PEX5L: variants seen among roughly 807,000 people sequenced by gnomAD.
The protein encoded by PEX5L is peroxisomal biogenesis factor 5 like, also known as PEX5-related protein.
Under a neutral mutation model 84.0 loss-of-function variants are expected in PEX5L, and 30 were observed. The ratio of observed to expected loss-of-function variants is 0.36; its 90% CI spans 0.27 to 0.48. PEX5L has a LOEUF of 0.48. Ranked by LOEUF, PEX5L falls within the 20% of genes least tolerant of loss-of-function variation. The probability of loss-of-function intolerance (pLI) is 0.99; values close to 1 mark genes in which losing one functional copy is unlikely to be tolerated. For missense variants in PEX5L, 533 were observed against 754.6 expected (o/e 0.71, Z 3.44); for synonymous variants, 270 against 283.1 (o/e 0.95, Z 0.46).
At chr3:179,914,829 A>G (rs778781932) in intron 2 of PEX5L, among the ~76,000 whole-genome samples, 10 of 152,228 alleles carry the variant, frequency 6.6e-5, no homozygotes, top group Admixed American at 2.6e-4. Context: ...TTTATGGCTC[A>G]GCCATGGGAC....
intron 2 of PEX5L, 60 bp from the exon 3 acceptor site, chr3:179,898,306 AC>A: frequency 8.5e-7 from 1 of 1,180,616 alleles, no homozygotes; most frequent in African/African-American, 1.5e-5. Flanking sequence ...ATTATTTATT[AC>A]AAGATATTCT....
chr3:179,961,610 A>G (rs1579021088), intron 2 of PEX5L, among the ~76,000 whole-genome samples: 1 of 152,308 alleles, frequency 6.6e-6, no homozygotes, highest in Non-Finnish European at 1.5e-5. Flanking sequence ...TTTACTCTGT[A>G]AACTCTCCCT....
chr3:180,034,211 T>C (rs1791697569), intron 1 of PEX5L, among the ~76,000 whole-genome samples: 1 of 152,200 alleles, frequency 6.6e-6, no homozygotes, highest in Non-Finnish European at 1.5e-5. Flanking sequence ...AGAATTAGAA[T>C]GCATAGCAAA....
chr3:179,854,502 A>G (rs1458946785), intron 8 of PEX5L, among the ~76,000 whole-genome samples: 1 of 152,200 alleles, frequency 6.6e-6, no homozygotes, highest in African/African-American at 2.4e-5. Context: ...TCTGACTGAC[A>G]TCAAGACCAA....
At chr3:179,885,186 T>C (rs1441746049) in intron 4 of PEX5L, among the ~76,000 whole-genome samples, 10 of 152,120 alleles carry the variant, frequency 6.6e-5, no homozygotes, top group South Asian at 4.1e-4. Context: ...CCAGACCCCC[T>C]ACGTTGGAGA....
At chr3:179,900,832 C>T (rs1761056514) in intron 2 of PEX5L, 4 of 756,074 alleles carry the variant, frequency 5.3e-6, no homozygotes, top group Non-Finnish European at 9.0e-6. Context: ...ATGAGCGTCA[C>T]TGTTTTACAA....
At chr3:179,988,795 G>C (rs910737502) in intron 1 of PEX5L, among the ~76,000 whole-genome samples, 4 of 152,140 alleles carry the variant, frequency 2.6e-5, no homozygotes, top group South Asian at 2.1e-4. Flanking sequence ...AATGTAGTTA[G>C]GAGTTAAATC....
intron 2 of PEX5L, among the ~76,000 whole-genome samples, chr3:179,937,572 G>A (rs914511655): frequency 8.5e-5 from 13 of 152,184 alleles, no homozygotes; most frequent in Non-Finnish European, 1.8e-4. Flanking sequence ...GGAAAGACCA[G>A]TGTGTTCCCT....
intron 2 of PEX5L, among the ~76,000 whole-genome samples, chr3:179,913,417 A>T (rs1765878632): frequency 1.3e-5 from 2 of 152,116 alleles, no homozygotes; most frequent in Non-Finnish European, 2.9e-5. Flanking sequence ...TCTTATTGCA[A>T]ATTATTTTAA....
At chr3:179,980,203 C>G (rs1036856450) in intron 1 of PEX5L, among the ~76,000 whole-genome samples, 2 of 152,106 alleles carry the variant, frequency 1.3e-5, no homozygotes, top group African/African-American at 4.8e-5. Context: ...GTTTGTGCTT[C>G]GGCCATAAAA....
intron 2 of PEX5L, among the ~76,000 whole-genome samples, chr3:179,954,484 G>A (rs1228165983): frequency 6.6e-6 from 1 of 152,152 alleles, no homozygotes; most frequent in Non-Finnish European, 1.5e-5. Context: ...ACTGGCAAGT[G>A]GCAGCAGGTG....
intron 3 of PEX5L, 86 bp downstream of exon 3, chr3:179,898,054 TAA>T (rs900063577): frequency 1.3e-6 from 1 of 784,098 alleles, no homozygotes; most frequent in Non-Finnish European, 2.0e-6. Flanking sequence ...GTTCAAGAGT[TAA>T]AGTTTTTTTT....
chr3:179,881,140 TGCA>T (rs1754032964), intron 4 of PEX5L: 1 of 152,308 alleles, frequency 6.6e-6, no homozygotes, highest in Admixed American at 6.5e-5. Flanking sequence ...CAACAATGAC[TGCA>T]GCACTCCTCT....
intron 3 of PEX5L, among the ~76,000 whole-genome samples, chr3:179,893,027 G>C (rs1449290218): frequency 1.3e-5 from 2 of 152,116 alleles, no homozygotes; most frequent in African/African-American, 4.8e-5. Flanking sequence ...CTTTTGTTTA[G>C]AAGTAAGAAG....
At chr3:179,833,948 C>A (rs1161504579) in intron 8 of PEX5L, among the ~76,000 whole-genome samples, 1 of 152,204 alleles carries the variant, frequency 6.6e-6, no homozygotes, top group Non-Finnish European at 1.5e-5. Context: ...GATCCTTCCA[C>A]TTCAGCCTTC....
At chr3:179,909,731 T>C (rs1391947618) in intron 2 of PEX5L, among the ~76,000 whole-genome samples, 3 of 152,290 alleles carry the variant, frequency 2.0e-5, no homozygotes, top group South Asian at 2.1e-4. Flanking sequence ...AAGGAAGTCA[T>C]TGGAGTGGGT....
rs990889227 is a variant in PEX5L at position 179,795,364 on chromosome 3, T to A, written c.*6464A>T. ...TACAAAAATACTACCTTAATCTTGT[T>A]ACGCAAATTAGAAGCCAACTGAGTA... On this transcript the variant is annotated 3_prime_UTR_variant, in exon 15 of 15. Transcript: ENST00000467460. 6.6e-6 allele frequency: 1 copy of A among 152,196 alleles called. No individual in the cohort carries two copies. Among genetic ancestry groups the A allele is most frequent in the African/African-American group, 2.4e-5 (1 of 41,462 alleles). 9.4% of individuals were successfully genotyped at this position (152,196 alleles called of 1,614,324 possible). A position where few individuals can be genotyped will look rare whatever the true frequency, so the allele number is the denominator to read the frequency against.
At chr3:179,878,487 T>C (rs1275836143) in intron 5 of PEX5L, among the ~76,000 whole-genome samples, 1 of 152,238 alleles carries the variant, frequency 6.6e-6, no homozygotes, top group Non-Finnish European at 1.5e-5. Context: ...TCCTATGATC[T>C]CACCACTAGT....
chr3:180,000,866 T>C (rs976978724), intron 1 of PEX5L, among the ~76,000 whole-genome samples: 11 of 152,314 alleles, frequency 7.2e-5, no homozygotes, highest in African/African-American at 2.4e-4. Flanking sequence ...ATTGTCTTTA[T>C]TGAAGATTAT....
Sources: gnomAD v4.1 joint callset for allele counts (sites outside exome capture counted in the v4.1 genomes callset) on GRCh38, gnomAD v4.1.1 for gene constraint, MANE v1.5 for transcripts, NCBI Gene and HGNC (gene_info 2026-07-23, HGNC 2026-07-21) for gene names.